The following PAK2 variants were observed in gnomAD, a reference collection of about 807,000 sequenced individuals.
PAK2 encodes the protein serine/threonine-protein kinase PAK 2.
PAK2 carries 21 observed loss-of-function variants against 65.9 expected under a neutral mutation model. The ratio of observed to expected loss-of-function variants is 0.32; its 90% CI spans 0.23 to 0.46. The LOEUF (loss-of-function observed/expected upper bound fraction) is 0.46, where lower values mean the gene tolerates loss of function less well. Among genes scored for constraint, PAK2 ranks in the 20% least tolerant of loss-of-function variants. The pLI is 1.00. For synonymous variants in PAK2, 204 were observed against 219.7 expected (o/e 0.93, Z 0.63); for missense variants, 324 against 642.6 (o/e 0.50, Z 5.36).
At chr3:196,811,232 T>A (rs796696294) in intron 8 of PAK2, among the ~76,000 whole-genome samples, 1,055 of 3,896 alleles carry the variant, frequency 0.27, 113 homozygotes, top group East Asian at 0.85. Context: ...TCCCTTCCCT[T>A]CCCTTCCTTC....
At chr3:196,749,338 G>A (rs7645396) in intron 1 of PAK2, among the ~76,000 whole-genome samples, 8,913 of 151,988 alleles carry the variant, frequency 0.059, 355 homozygotes, top group African/African-American at 0.11. Context: ...TTTCCACAGC[G>A]CCTGTATCAC....
Position 196,828,585 on chromosome 3 carries a change from T to C in PAK2, c.*180T>C, listed in dbSNP as rs1478716086. ...ATTGCAAAAAGACAAGTATGACTTTTATATGAACCCCTTCTTTAGGGTCCA... is the reference window on the plus strand; with the variant it reads ...ATTGCAAAAAGACAAGTATGACTTTCATATGAACCCCTTCTTTAGGGTCCA... On this transcript the variant is annotated 3_prime_UTR_variant, in exon 15 of 15. Coordinates refer to ENST00000327134, the MANE Select transcript of PAK2 (RefSeq NM_002577.4). 8.7e-6 allele frequency: 5 copies of C among 576,672 alleles called. No individual in the cohort carries two copies. Among genetic ancestry groups the C allele is most frequent in the Non-Finnish European group, 1.2e-5 (4 of 328,362 alleles). 35.7% of individuals were successfully genotyped at this position (576,672 alleles called of 1,614,324 possible).
At chr3:196,767,708 A>G (rs916203959) in intron 1 of PAK2, among the ~76,000 whole-genome samples, 1 of 151,966 alleles carries the variant, frequency 6.6e-6, no homozygotes, top group African/African-American at 2.4e-5. Context: ...GTTAGCCAGG[A>G]TGGTCTCGAT....
chr3:196,770,838 G>A (rs758485004), intron 1 of PAK2, among the ~76,000 whole-genome samples: 26 of 152,038 alleles, frequency 1.7e-4, no homozygotes, highest in Non-Finnish European at 2.8e-4. Flanking sequence ...GACCAGGCTG[G>A]TCTCAAACTC....
At position 196,807,973 on chromosome 3, in the gene PAK2, C is replaced by T. The variant is rs1032168221; in HGVS notation, c.709+59C>T. On this transcript the variant is annotated intron_variant, in intron 7 of 14. Coordinates refer to ENST00000327134, the MANE Select transcript of PAK2 (RefSeq NM_002577.4). The stretch of plus-strand genomic sequence containing the variant: ...TGTTCACGGCTCTTAAAACATTTGG[C>T]CCAGATGGATTTTAACTTACACTTT... 10 of 1,526,360 alleles carry T rather than the reference C, an allele frequency of 6.6e-6. No individual in the cohort carries two copies. The African/African-American group carries it at 1.1e-4, about 17-fold the overall frequency. 94.6% of individuals were successfully genotyped at this position (1,526,360 alleles called of 1,614,324 possible).
chr3:196,812,726 G>T lies in PAK2; in HGVS notation c.823-13G>T, dbSNP rs1342644165. 5 of 1,195,218 alleles carry T rather than the reference G, an allele frequency of 4.2e-6. No homozygotes were observed. In the African/African-American group the frequency reaches 4.6e-5, roughly 11 times the overall value. The allele number at this position is 1,195,218 out of a possible 1,614,324, so 74.0% of individuals were successfully genotyped here. On this transcript the variant is annotated splice_polypyrimidine_tract_variant and intron_variant, in intron 9 of 14. Coordinates refer to ENST00000327134, the MANE Select transcript of PAK2 (RefSeq NM_002577.4). The stretch of plus-strand genomic sequence containing the variant: ...CCTAAACCTGGTTTTTTTCAATCCT[G>T]TTTTCATTATAGGTTGCTATCAAAC...
At chr3:196,764,616 C>T (rs1405430336) in intron 1 of PAK2, among the ~76,000 whole-genome samples, 3 of 141,238 alleles carry the variant, frequency 2.1e-5, no homozygotes, top group Non-Finnish European at 3.1e-5. Context: ...GAGACTCTGT[C>T]TCAAAAAAAA....
At chr3:196,777,779 T>C (rs1256369024) in intron 1 of PAK2, among the ~76,000 whole-genome samples, 1 of 152,238 alleles carries the variant, frequency 6.6e-6, no homozygotes, top group Non-Finnish European at 1.5e-5. Flanking sequence ...CGTCTTTTAT[T>C]TTCTCTAATG....
intron 1 of PAK2, among the ~76,000 whole-genome samples, chr3:196,761,827 G>A (rs1387049088): frequency 5.3e-5 from 5 of 94,934 alleles, no homozygotes; most frequent in Admixed American, 2.1e-4. Context: ...CTGGCCGGGC[G>A]GGGGGCTGAC....
In PAK2 at chr3:196,810,782, A is replaced by G. The variant is rs549064010; in HGVS notation, c.773+129A>G. The G allele has an allele frequency of 3.0e-5, 17 of 572,806 alleles. No homozygotes were observed. In the African/African-American group the frequency reaches 3.2e-4, roughly 11 times the overall value. The allele number at this position is 572,806 out of a possible 1,614,324, so 35.5% of individuals were successfully genotyped here. ...ATTCTGTGAGTGGTACCCTTGGGGGATTTGTGTAAATAAATAATGCAGTTA... is the reference window on the plus strand; with the variant it reads ...ATTCTGTGAGTGGTACCCTTGGGGGGTTTGTGTAAATAAATAATGCAGTTA... On this transcript the variant is annotated intron_variant, in intron 8 of 14. Transcript: ENST00000327134.
intron 11 of PAK2, among the ~76,000 whole-genome samples, chr3:196,815,570 T>C (rs1415660848): frequency 1.3e-5 from 2 of 151,180 alleles, no homozygotes; most frequent in Admixed American, 6.6e-5. Flanking sequence ...GGGCAGATCA[T>C]GAGGTCAAGA....
chr3:196,828,350 C>T lies in PAK2; in HGVS notation c.1520C>T (p.Ser507Phe). The T allele has an allele frequency of 6.2e-7, 1 of 1,611,288 alleles. No individual in the cohort carries two copies. ...HPFLKLAKPL[S>F]SLTPLIMAAK... The stretch of plus-strand genomic sequence containing the variant: ...TTCCTGAAACTGGCCAAACCGTTAT[C>T]TAGCTTGACACCACTGATCATGGCA... Residue 507 changes from serine (S) to phenylalanine (F), a missense_variant, in exon 15 of 15, where the codon TCT becomes TTT. Coordinates refer to ENST00000327134, the MANE Select transcript of PAK2 (RefSeq NM_002577.4).
At chr3:196,809,767 A>C (rs1164787793) in intron 7 of PAK2, among the ~76,000 whole-genome samples, 1 of 151,354 alleles carries the variant, frequency 6.6e-6, no homozygotes, top group Non-Finnish European at 1.5e-5. Context: ...CTTATTATTG[A>C]TCCTGTTTCT....
intron 1 of PAK2, among the ~76,000 whole-genome samples, chr3:196,741,311 G>T (rs1627506): frequency 6.6e-6 from 1 of 151,998 alleles, no homozygotes; most frequent in Admixed American, 6.5e-5. Flanking sequence ...ATAACACTCA[G>T]TAAAGTTACA....
At chr3:196,779,576 T>A (rs1297067108) in intron 1 of PAK2, among the ~76,000 whole-genome samples, 1 of 152,206 alleles carries the variant, frequency 6.6e-6, no homozygotes, top group Non-Finnish European at 1.5e-5. Context: ...TGAAGGTGCA[T>A]TGGCAGTTTC....
At chr3:196,803,648 CAGAT>C (rs1715487063) in intron 4 of PAK2, among the ~76,000 whole-genome samples, 1 of 152,130 alleles carries the variant, frequency 6.6e-6, no homozygotes, top group South Asian at 2.1e-4. Context: ...ATATATAAAA[CAGAT>C]AAATCATATA....
At chr3:196,772,913 A>G (rs953484051) in intron 1 of PAK2, among the ~76,000 whole-genome samples, 2 of 152,208 alleles carry the variant, frequency 1.3e-5, no homozygotes, top group African/African-American at 4.8e-5. Flanking sequence ...GTAAATAAAA[A>G]TGCTTTTTAA....
At chr3:196,789,809 A>G (rs1012375449) in intron 2 of PAK2, among the ~76,000 whole-genome samples, 1 of 152,170 alleles carries the variant, frequency 6.6e-6, no homozygotes, top group African/African-American at 2.4e-5. Context: ...TGGTTTCGGT[A>G]TGAAACTCTT....
intron 1 of PAK2, among the ~76,000 whole-genome samples, chr3:196,751,694 T>TATATATATAAA (rs1211217848): frequency 4.8e-4 from 22 of 45,660 alleles, no homozygotes; most frequent in Non-Finnish European, 6.7e-4. Context: ...TATATATATA[T>TATATATATAAA]AATTCAGGCT....
Sources: allele counts gnomAD v4.1 joint callset (sites outside exome capture counted in the v4.1 genomes callset), GRCh38; gene constraint gnomAD v4.1.1; transcripts MANE v1.5; gene names NCBI Gene and HGNC (gene_info 2026-07-23, HGNC 2026-07-21).